The following SYTL3 variants were observed in gnomAD, a reference collection of about 807,000 sequenced individuals.
SYTL3 encodes synaptotagmin like 3.
SYTL3 carries 88 observed loss-of-function variants against 82.1 expected under a neutral mutation model. The observed-to-expected ratio is 1.07, with a 90% CI of 0.90 to 1.28. The LOEUF is 1.28. Among genes scored for constraint, SYTL3 ranks in the 50% most tolerant of loss-of-function variants. The pLI, the probability that SYTL3 is intolerant of heterozygous loss-of-function variation, is 0.00. For missense variants in SYTL3, 831 were observed against 757.6 expected (o/e 1.10, Z -1.14); for synonymous variants, 311 against 289.4 (o/e 1.07, Z -0.76).
chr6:158,707,329 C>T (rs1422417780), intron 7 of SYTL3, 48 bp downstream of exon 7: 6 of 1,568,390 alleles, frequency 3.8e-6, no homozygotes, highest in African/African-American at 1.3e-5. Flanking sequence ...GGGGCAGGAG[C>T]GCAGAGGACA....
intron 3 of SYTL3, among the ~76,000 whole-genome samples, chr6:158,662,437 A>G (rs978520425): frequency 5.3e-5 from 8 of 152,226 alleles, no homozygotes; most frequent in Admixed American, 3.9e-4. Context: ...AGTTAATGGT[A>G]AAAATAATAG....
At chr6:158,726,264 G>T in intron 11 of SYTL3, 3 of 441,518 alleles carry the variant, frequency 6.8e-6, no homozygotes, top group South Asian at 5.8e-5. Context: ...GGAGTCTCTT[G>T]GGTAAAGATC....
intron 2 of SYTL3, among the ~76,000 whole-genome samples, chr6:158,653,242 C>A (rs1024107708): frequency 1.3e-5 from 2 of 152,086 alleles, no homozygotes; most frequent in African/African-American, 4.8e-5. Flanking sequence ...CGCAGTGGCT[C>A]ACACCTGTAA....
Position 158,713,883 on chromosome 6 carries a change from G to T in SYTL3, c.595+5G>T, listed in dbSNP as rs765099524. 1.4e-5 allele frequency: 21 copies of T among 1,547,160 alleles called. No individual in the cohort carries two copies. Among genetic ancestry groups the T allele is most frequent in the Non-Finnish European group, 1.8e-5 (21 of 1,143,494 alleles). ...CTCTTGCTACCCACGTGAAAAGTAA[G>T]TGCATGCTTCATGATGTGTTTTCCC... On this transcript the variant is annotated splice_donor_5th_base_variant and intron_variant, in intron 9 of 17. Transcript: ENST00000611299.
intron 8 of SYTL3, among the ~76,000 whole-genome samples, chr6:158,711,248 G>A (rs1328474451): frequency 1.3e-5 from 2 of 152,182 alleles, no homozygotes; most frequent in East Asian, 3.8e-4. Context: ...GCTTTTTGGT[G>A]AAGGAACCGT....
intron 11 of SYTL3, among the ~76,000 whole-genome samples, chr6:158,729,354 G>C (rs1186013947): frequency 6.6e-6 from 1 of 152,112 alleles, no homozygotes; most frequent in Non-Finnish European, 1.5e-5. Flanking sequence ...GAAAAGGATG[G>C]AAGGGCAAGA....
chr6:158,742,524 A>G (rs1380345944), intron 11 of SYTL3, among the ~76,000 whole-genome samples: 1 of 151,814 alleles, frequency 6.6e-6, no homozygotes, highest in African/African-American at 2.4e-5. Flanking sequence ...ATAAGCCTGA[A>G]GGCCAGTTTT....
At chr6:158,675,902 A>T (rs957079980) in intron 5 of SYTL3, among the ~76,000 whole-genome samples, 2 of 152,164 alleles carry the variant, frequency 1.3e-5, no homozygotes, top group Non-Finnish European at 2.9e-5. Context: ...ATGAGCCAAG[A>T]TGGCACCACT....
chr6:158,717,135 G>A (rs778996986), intron 9 of SYTL3, among the ~76,000 whole-genome samples: 7 of 151,216 alleles, frequency 4.6e-5, no homozygotes, highest in Non-Finnish European at 1.0e-4. Flanking sequence ...TTAGCCGGGC[G>A]TGGTGACACA....
intron 10 of SYTL3, among the ~76,000 whole-genome samples, chr6:158,722,820 C>T (rs1042009445): frequency 1.3e-4 from 18 of 136,830 alleles, no homozygotes; most frequent in Admixed American, 3.1e-4. Flanking sequence ...ACCCAGACAG[C>T]GAGCGAACAG....
chr6:158,656,368 T>TGG (rs1788676835), intron 2 of SYTL3, among the ~76,000 whole-genome samples: 1 of 152,174 alleles, frequency 6.6e-6, no homozygotes, highest in Admixed American at 6.5e-5. Flanking sequence ...TGCAAGCAGG[T>TGG]GGGTGCAGCC....
At chr6:158,698,908 G>A (rs1224572144) in intron 6 of SYTL3, among the ~76,000 whole-genome samples, 2 of 152,160 alleles carry the variant, frequency 1.3e-5, no homozygotes, top group Admixed American at 1.3e-4. Context: ...GTGGCACTTG[G>A]AACTCCAGGG....
At chr6:158,722,432 G>A (rs1044540824) in intron 10 of SYTL3, among the ~76,000 whole-genome samples, 1 of 152,052 alleles carries the variant, frequency 6.6e-6, no homozygotes, top group Admixed American at 6.6e-5. Flanking sequence ...GCGGTGACTC[G>A]GGGATGTTAA....
upstream of SYTL3, among the ~76,000 whole-genome samples, chr6:158,646,582 C>T (rs886405716): frequency 6.6e-6 from 1 of 152,158 alleles, no homozygotes; most frequent in Non-Finnish European, 1.5e-5. Context: ...TTGAGGGAAA[C>T]AGGGCTGGCG....
Position 158,663,398 on chromosome 6 carries a change from G to T in SYTL3, c.110+20G>T. On this transcript the variant is annotated intron_variant, in intron 4 of 17. Coordinates refer to ENST00000611299, the MANE Select transcript of SYTL3 (RefSeq NM_001242394.2). The stretch of plus-strand genomic sequence containing the variant: ...GACACGGTAGGCTGCCCTTCCCGGG[G>T]GGTCACTTTGGGTGTTTAGCTTTCT... 1 of 1,611,460 alleles carries T rather than the reference G, an allele frequency of 6.2e-7. No homozygotes were observed. The highest frequency in any genetic ancestry group is 2.0e-4 in the Middle Eastern group (1 of 5,098).
chr6:158,729,451 GC>G (rs1169999285), intron 11 of SYTL3, among the ~76,000 whole-genome samples: 1 of 152,016 alleles, frequency 6.6e-6, no homozygotes, highest in Non-Finnish European at 1.5e-5. Context: ...GTTCCCAGAG[GC>G]CCCACCTCTT....
At chr6:158,703,173 A>AG (rs1236283399) in intron 6 of SYTL3, among the ~76,000 whole-genome samples, 1 of 151,182 alleles carries the variant, frequency 6.6e-6, no homozygotes, top group Non-Finnish European at 1.5e-5. Context: ...AAAAAAAAAA[A>AG]AAAAATTGGG....
At chr6:158,668,644 G>A (rs1289592994) in intron 5 of SYTL3, among the ~76,000 whole-genome samples, 1 of 152,200 alleles carries the variant, frequency 6.6e-6, no homozygotes, top group Non-Finnish European at 1.5e-5. Flanking sequence ...TGGTTTTGCA[G>A]GGCAAGATCA....
rs1477799591 is a variant in SYTL3 at position 158,713,837 on chromosome 6, C to G, written c.554C>G (p.Ser185Cys). 5 of 1,550,586 alleles carry G rather than the reference C, an allele frequency of 3.2e-6. No individual in the cohort carries two copies. The highest frequency in any genetic ancestry group is 1.4e-5 in the African/African-American group (1 of 73,026). ...GGTCAGTTTAGAGGATTTAATAAGT[C>G]CGTGGAAAATTTGTTTCTGTCTCTT... ...EFGQFRGFNK[S>C]VENLFLSLAT... The change falls in exon 9 of 18, where the codon TCC becomes TGC. Residue 185 changes from serine to cysteine, a missense_variant. Coordinates refer to ENST00000611299, the MANE Select transcript of SYTL3 (RefSeq NM_001242394.2).
Sources: allele counts gnomAD v4.1 joint callset (sites outside exome capture counted in the v4.1 genomes callset), GRCh38; gene constraint gnomAD v4.1.1; transcripts MANE v1.5; gene names NCBI Gene and HGNC (gene_info 2026-07-23, HGNC 2026-07-21).